The following WWOX variants were observed in gnomAD, a reference collection of about 807,000 sequenced individuals.
WWOX encodes WW domain containing oxidoreductase.
A neutral mutation model predicts 46.2 loss-of-function variants in WWOX; 69 were observed. The observed-to-expected ratio is 1.49, with a 90% CI of 1.23 to 1.82. WWOX has a LOEUF of 1.82. Among genes scored for constraint, WWOX ranks in the 40% most tolerant of loss-of-function variants. The probability of loss-of-function intolerance (pLI) is 0.00; values close to 1 mark genes in which losing one functional copy is unlikely to be tolerated. For missense variants in WWOX, 919 were observed against 542.6 expected, an observed-to-expected ratio of 1.69 and a Z score of -6.89; for synonymous variants, 359 against 202.6, an observed-to-expected ratio of 1.77 and a Z score of -6.56.
At chr16:78,389,510 C>T (rs150538679) in intron 6 of WWOX, among the ~76,000 whole-genome samples, 1,602 of 152,262 alleles carry the variant, frequency 0.011, 24 homozygotes, top group East Asian at 0.034. Flanking sequence ...GTCAGCAGCT[C>T]ATTTACTGAG....
chr16:78,827,710 G>A (rs1218005041), intron 8 of WWOX, among the ~76,000 whole-genome samples: 1 of 152,032 alleles, frequency 6.6e-6, no homozygotes, highest in Non-Finnish European at 1.5e-5. Context: ...GCATGGTGGT[G>A]CATGTCTGTT....
chr16:78,493,223 C>G (rs1311606277), intron 8 of WWOX, among the ~76,000 whole-genome samples: 1 of 152,142 alleles, frequency 6.6e-6, no homozygotes. Flanking sequence ...CTTCCTGGAC[C>G]TGACACTCAC....
At chr16:79,077,042 A>T (rs183304063) in intron 8 of WWOX, among the ~76,000 whole-genome samples, 10 of 152,252 alleles carry the variant, frequency 6.6e-5, no homozygotes, top group African/African-American at 1.7e-4. Context: ...CCGATCATCA[A>T]TTCCCTAAGG....
intron 8 of WWOX, among the ~76,000 whole-genome samples, chr16:78,990,202 A>AT (rs397811501): frequency 7.1e-6 from 1 of 140,234 alleles, no homozygotes; most frequent in African/African-American, 2.9e-5. Flanking sequence ...AAAAAAAAAA[A>AT]GAGAGAGAGG....
At chr16:78,154,987 C>G (rs1405371639) in intron 4 of WWOX, among the ~76,000 whole-genome samples, 1 of 152,112 alleles carries the variant, frequency 6.6e-6, no homozygotes, top group East Asian at 1.9e-4. Flanking sequence ...TCAACATGAC[C>G]AACTAGAAAG....
At chr16:78,634,648 G>A (rs1049403426) in intron 8 of WWOX, among the ~76,000 whole-genome samples, 2 of 151,172 alleles carry the variant, frequency 1.3e-5, no homozygotes, top group Non-Finnish European at 2.9e-5. Context: ...GGAGGTTGCA[G>A]TGAGCCAAGA....
chr16:78,660,798 T>G (rs10514441), intron 8 of WWOX, among the ~76,000 whole-genome samples: 1 of 152,204 alleles, frequency 6.6e-6, no homozygotes. Context: ...GTTGCAGATA[T>G]GGATAGCCTT....
At chr16:79,040,857 A>G (rs1444950512) in intron 8 of WWOX, among the ~76,000 whole-genome samples, 1 of 152,080 alleles carries the variant, frequency 6.6e-6, no homozygotes, top group South Asian at 2.1e-4. Context: ...GATCACAGAA[A>G]GTAACTTAGC....
intron 8 of WWOX, among the ~76,000 whole-genome samples, chr16:78,886,432 C>G (rs936479088): frequency 3.3e-5 from 5 of 151,656 alleles, no homozygotes; most frequent in African/African-American, 1.2e-4. Context: ...AGAACATTTC[C>G]TCTTCTTTTG....
intron 5 of WWOX, among the ~76,000 whole-genome samples, chr16:78,321,360 G>GTA (rs1402520120): frequency 2.5e-5 from 1 of 40,314 alleles, no homozygotes; most frequent in Non-Finnish European, 4.1e-5. Flanking sequence ...GTATATATGC[G>GTA]TATATATATA....
intron 8 of WWOX, among the ~76,000 whole-genome samples, chr16:78,622,264 TG>T (rs1203365637): frequency 1.3e-5 from 2 of 152,266 alleles, no homozygotes; most frequent in South Asian, 2.1e-4. Context: ...CCCTTGTGGC[TG>T]GTCGCAGTGG....
intron 8 of WWOX, among the ~76,000 whole-genome samples, chr16:78,925,815 A>T (rs1013114592): frequency 6.6e-6 from 1 of 152,154 alleles, no homozygotes; most frequent in Admixed American, 6.5e-5. Flanking sequence ...TCAGAGGTAA[A>T]GAGCCTCGCT....
intron 5 of WWOX, among the ~76,000 whole-genome samples, chr16:78,373,118 T>C (rs1394693081): frequency 6.6e-6 from 1 of 152,184 alleles, no homozygotes; most frequent in African/African-American, 2.4e-5. Context: ...CACATCTCTT[T>C]CTTGTAATAT....
intron 5 of WWOX, among the ~76,000 whole-genome samples, chr16:78,376,331 A>G (rs369762789): frequency 6.6e-6 from 1 of 152,218 alleles, no homozygotes; most frequent in Admixed American, 6.5e-5. Flanking sequence ...TAGTGGAACT[A>G]CAATACTATG....
intron 5 of WWOX, among the ~76,000 whole-genome samples, chr16:78,224,668 G>A (rs1385019128): frequency 2.0e-5 from 3 of 152,126 alleles, no homozygotes; most frequent in East Asian, 1.9e-4. Context: ...TCCTTGGTGC[G>A]CTTGGAAGTG....
intron 8 of WWOX, among the ~76,000 whole-genome samples, chr16:79,155,930 G>A (rs1001372938): frequency 1.3e-5 from 2 of 151,638 alleles, no homozygotes; most frequent in African/African-American, 4.8e-5. Flanking sequence ...TCTCTCTGTT[G>A]ATTTCTAAAC....
intron 5 of WWOX, among the ~76,000 whole-genome samples, chr16:78,219,759 C>T (rs1416304688): frequency 3.9e-5 from 6 of 152,094 alleles, no homozygotes; most frequent in Non-Finnish European, 8.8e-5. Flanking sequence ...AAGAACTCAC[C>T]CTGGAATATG....
At chr16:78,476,152 T>C (rs567058293) in intron 8 of WWOX, among the ~76,000 whole-genome samples, 1 of 152,338 alleles carries the variant, frequency 6.6e-6, no homozygotes, top group African/African-American at 2.4e-5. Context: ...AGCTACTGGA[T>C]AGAACTGGAG....
At chr16:78,993,571 G>A (rs1457561023) in intron 8 of WWOX, among the ~76,000 whole-genome samples, 2 of 152,162 alleles carry the variant, frequency 1.3e-5, no homozygotes, top group African/African-American at 2.4e-5. Flanking sequence ...CTGGGTGTAC[G>A]GAGCCCGGAA....
Sources: allele counts gnomAD v4.1 joint callset (sites outside exome capture counted in the v4.1 genomes callset), GRCh38; gene constraint gnomAD v4.1.1; transcripts MANE v1.5; gene names NCBI Gene and HGNC (gene_info 2026-07-23, HGNC 2026-07-21).